The following ERN1 variants were observed in gnomAD, a reference collection of about 807,000 sequenced individuals.
ERN1 encodes serine/threonine-protein kinase/endoribonuclease IRE1.
ERN1 carries 39 observed loss-of-function variants against 113.1 expected under a neutral mutation model. The ratio of observed to expected loss-of-function variants is 0.34; its 90% CI spans 0.27 to 0.45. ERN1 has a LOEUF of 0.45. Ranked by LOEUF, ERN1 falls within the 20% of genes least tolerant of loss-of-function variation. The pLI is 1.00. For missense variants in ERN1, 976 were observed against 1,274.8 expected, an observed-to-expected ratio of 0.77 and a Z score of 3.57; for synonymous variants, 507 against 515.9, an observed-to-expected ratio of 0.98 and a Z score of 0.23.
chr17:64,080,940 C>T (rs196952), intron 2 of ERN1, 132 bp from the exon 3 acceptor site: 535,813 of 769,684 alleles, frequency 0.7, 195,916 homozygotes, highest in Non-Finnish European at 0.76. Context: ...TGGGCTAGTG[C>T]ACGTGAAGGT....
At chr17:64,102,001 C>T (rs199949885) in intron 1 of ERN1, among the ~76,000 whole-genome samples, 1 of 152,162 alleles carries the variant, frequency 6.6e-6, no homozygotes, top group East Asian at 1.9e-4. Flanking sequence ...TAATCATGGC[C>T]GGGACCGGTG....
chr17:64,051,765 A>G (rs1178603335), intron 17 of ERN1, among the ~76,000 whole-genome samples: 3 of 152,138 alleles, frequency 2.0e-5, no homozygotes, highest in African/African-American at 7.3e-5. Context: ...AGTAGGTATC[A>G]AAACCCAGTA....
chr17:64,097,968 A>G, intron 2 of ERN1, 153 bp downstream of exon 2: 3 of 955,972 alleles, frequency 3.1e-6, no homozygotes, highest in Non-Finnish European at 3.1e-6. Context: ...ACGTCCTTTG[A>G]GCAGAATGCC....
At chr17:64,050,059 C>T (rs1315539189) in intron 17 of ERN1, among the ~76,000 whole-genome samples, 1 of 152,186 alleles carries the variant, frequency 6.6e-6, no homozygotes, top group Non-Finnish European at 1.5e-5. Context: ...GCGAGCAGAG[C>T]AAATGCTTTC....
Position 64,106,715 on chromosome 17 carries a change from T to TACACACACACACACAC in ERN1, c.55-8490_55-8475dup, listed in dbSNP as rs58544303. Among the ~76,000 whole-genome samples the TACACACACACACACAC allele has an allele frequency of 1.1e-3, 109 of 103,428 alleles. 4 individuals carry two copies. The highest frequency in any genetic ancestry group is 2.1e-3 in the East Asian group (6 of 2,878). The allele number at this position is 103,428 out of a possible 152,430, so 67.9% of individuals were successfully genotyped here. A position where few individuals can be genotyped will look rare whatever the true frequency, so the allele number is the denominator to read the frequency against. On this transcript the variant is annotated intron_variant, in intron 1 of 21. Coordinates refer to ENST00000433197, the MANE Select transcript of ERN1 (RefSeq NM_001433.5). ...AGGACACCAGTCCTACAGGGTTTCTTACACACACACACACACACACACACA... is the reference window on the plus strand; with the variant it reads ...AGGACACCAGTCCTACAGGGTTTCTTACACACACACACACACACACACACACACACACACACACACA...
chr17:64,103,033 AT>A lies in ERN1; in HGVS notation c.55-4793del, dbSNP rs1261566352. On this transcript the variant is annotated intron_variant, in intron 1 of 21. Coordinates refer to ENST00000433197, the MANE Select transcript of ERN1 (RefSeq NM_001433.5). Reference sequence around the variant, plus strand: ...CCTAAAACTAAACATCCATTAGCTAATTGGTCCCCACAGACATCAGACTCTG... The same window carrying A: ...CCTAAAACTAAACATCCATTAGCTAATGGTCCCCACAGACATCAGACTCTG... 8 of 823,362 alleles carry A rather than the reference AT, an allele frequency of 9.7e-6. No homozygotes were observed. The African/African-American group carries it at 1.3e-4, about 13-fold the overall frequency. 51.0% of individuals were successfully genotyped at this position (823,362 alleles called of 1,614,324 possible). A position where few individuals can be genotyped will look rare whatever the true frequency, so the allele number is the denominator to read the frequency against.
chr17:64,049,277 C>G lies in ERN1; in HGVS notation c.2254-75G>C, dbSNP rs1912609971. ...TCACTCACAGTCAGGGAGGGAGGAG[C>G]ATTGCTGCTGCTTCTGCCACCTAGA... is the stretch of plus-strand genomic sequence containing the variant. On this transcript the variant is annotated intron_variant, in intron 17 of 21. Transcript: ENST00000433197. The surrounding 1 kb of genome is among the most constrained non-coding windows in gnomAD (Gnocchi z 4.7). 1.4e-6 allele frequency: 2 copies of G among 1,416,502 alleles called. No homozygotes were observed. The highest frequency in any genetic ancestry group is 1.9e-6 in the Non-Finnish European group (2 of 1,052,106). 87.7% of individuals were successfully genotyped at this position (1,416,502 alleles called of 1,614,324 possible).
At chr17:64,100,788 T>C (rs748364171) in intron 1 of ERN1, among the ~76,000 whole-genome samples, 4 of 151,838 alleles carry the variant, frequency 2.6e-5, no homozygotes, top group Admixed American at 1.3e-4. Context: ...TCTCAATAAA[T>C]AAATAAATAA....
chr17:64,060,624 TC>T (rs764143726), intron 10 of ERN1, 37 bp from the exon 11 acceptor site: 1 of 1,494,726 alleles, frequency 6.7e-7, no homozygotes, highest in Non-Finnish European at 9.3e-7. Flanking sequence ...GAGAACAATT[TC>T]CCGAGCTGTG....
intron 17 of ERN1, among the ~76,000 whole-genome samples, chr17:64,051,780 G>T (rs1367403918): frequency 3.3e-5 from 5 of 152,216 alleles, no homozygotes; most frequent in African/African-American, 9.7e-5. Context: ...CCAGTAGGTA[G>T]CAAAATACCA....
At position 64,079,709 on chromosome 17, in the gene ERN1, C is replaced by A; in HGVS notation, c.235G>T (p.Asp79Tyr). 1 of 1,613,848 alleles carries A rather than the reference C, an allele frequency of 6.2e-7. No individual in the cohort carries two copies. Among genetic ancestry groups the A allele is most frequent in the Non-Finnish European group, 8.5e-7 (1 of 1,179,762 alleles). ...CTTCCAAGCGTATACAGGCTGCCAT[C>A]ATTAGGATCTGGGAGAAAGGCAGGC... is the stretch of plus-strand genomic sequence containing the variant. ...EEPAFLPDPNDGSLYTLGSKN... is the reference protein window; with the variant it reads ...EEPAFLPDPNYGSLYTLGSKN... Residue 79 changes from aspartate (D) to tyrosine (Y), a missense_variant, in exon 4 of 22, where the codon GAT (aspartate) becomes TAT (tyrosine). By Grantham distance (160) the Asp-to-Tyr change is radical. This residue lies in a region of ERN1 where 459 missense variants were observed against 581.2 expected (regional missense o/e 0.79). Transcript: ENST00000433197.
At chr17:64,073,704 G>T (rs189442636) in intron 5 of ERN1, among the ~76,000 whole-genome samples, 2 of 152,052 alleles carry the variant, frequency 1.3e-5, no homozygotes, top group Non-Finnish European at 2.9e-5. Flanking sequence ...TGTTAGCCAG[G>T]ATGGTCTCGA....
Position 64,066,826 on chromosome 17 carries a change from A to G in ERN1, c.687T>C (p.Phe229=). 6.2e-7 allele frequency: 1 copy of G among 1,613,934 alleles called. No individual in the cohort carries two copies. Among genetic ancestry groups the G allele is most frequent in the Non-Finnish European group, 8.5e-7 (1 of 1,179,864 alleles). Residue 229 remains phenylalanine, a synonymous_variant, in exon 8 of 22, where the codon TTT becomes TTC. Transcript: ENST00000433197. ...IQNYASPVVA[F]YVWQREGLRK... ...TCAGACCCTCCCGCTGCCAGACATAAAAGGCCACCACAGGGGAGGCGTAGT... is the reference window on the plus strand; with the variant it reads ...TCAGACCCTCCCGCTGCCAGACATAGAAGGCCACCACAGGGGAGGCGTAGT...
At position 64,043,648 on chromosome 17, in the gene ERN1, A is replaced by G; in HGVS notation, c.*340T>C. 1 of 206,706 alleles carries G rather than the reference A, an allele frequency of 4.8e-6. No homozygotes were observed. Among genetic ancestry groups the G allele is most frequent in the Non-Finnish European group, 9.6e-6 (1 of 104,076 alleles). 12.8% of individuals were successfully genotyped at this position (206,706 alleles called of 1,614,324 possible). The stretch of plus-strand genomic sequence containing the variant: ...TCCTCTCCCTTCCTGAAAGGCCTGT[A>G]GACTGACATTAAGCAGGAATTTAAA... On this transcript the variant is annotated 3_prime_UTR_variant, in exon 22 of 22. Transcript: ENST00000433197.
chr17:64,045,500 G>A lies in ERN1; in HGVS notation c.2530-18C>T, dbSNP rs1221831011. On this transcript the variant is annotated intron_variant, in intron 19 of 21. Transcript: ENST00000433197. ...CTCACGTCCTGTGAGAGAAACAAGGGCAGCAGATGATGGTCAGTGCTGGAG... is the reference window on the plus strand; with the variant it reads ...CTCACGTCCTGTGAGAGAAACAAGGACAGCAGATGATGGTCAGTGCTGGAG... 5.0e-6 allele frequency: 8 copies of A among 1,613,636 alleles called. No homozygotes were observed. Among genetic ancestry groups the A allele is most frequent in the East Asian group, 2.2e-5 (1 of 44,882 alleles).
Position 64,066,680 on chromosome 17 carries a change from C to A in ERN1, c.833G>T (p.Ser278Ile), listed in dbSNP as rs569659605. 1 of 1,613,960 alleles carries A rather than the reference C, an allele frequency of 6.2e-7. No homozygotes were observed. ...CGAGCTCCCAACTCACGTCAGCTTG[C>A]TCTTGGCCTCTGTCTCCTTGGGGAA... ...YPFPKETEAK[S>I]KLTPTLYVGK... Residue 278 changes from serine to isoleucine, a missense_variant, in exon 8 of 22, where the codon AGC becomes ATC. By Grantham distance (142) the Ser-to-Ile change is moderately radical. Around this residue, in one of 5 missense-constraint regions of ERN1, gnomAD observed 459 missense variants for 581.2 expected, o/e 0.79. Transcript: ENST00000433197.
intron 5 of ERN1, among the ~76,000 whole-genome samples, chr17:64,074,162 T>C (rs1303344284): frequency 2.6e-5 from 4 of 152,252 alleles, no homozygotes; most frequent in Non-Finnish European, 5.9e-5. Context: ...AGAGTTTACA[T>C]AACTCAGTTA....
In ERN1 at chr17:64,066,916, C is replaced by T. The variant is rs749584293; in HGVS notation, c.597G>A (p.Val199=). Residue 199 remains valine (V), a synonymous_variant, in exon 8 of 22, where the codon GTG becomes GTA. Coordinates refer to ENST00000433197, the MANE Select transcript of ERN1 (RefSeq NM_001433.5). ...TCACCACCAGCCCATCACCATTGGA[C>T]ACAAAGTGGGACATCTCTGTACAGA... ...DDVDYKMSHF[V]SNGDGLVVTV... is the part of the protein sequence containing the mutation. The T allele has an allele frequency of 6.2e-7, 1 of 1,613,812 alleles. No individual in the cohort carries two copies. The highest frequency in any genetic ancestry group is 1.1e-5 in the South Asian group (1 of 91,014).
chr17:64,104,191 A>C (rs1914460269), intron 1 of ERN1, among the ~76,000 whole-genome samples: 1 of 152,200 alleles, frequency 6.6e-6, no homozygotes, highest in Non-Finnish European at 1.5e-5. Flanking sequence ...GCAGTGAGCC[A>C]AGACAGTGCT....
Sources: gnomAD v4.1 joint callset for allele counts (sites outside exome capture counted in the v4.1 genomes callset) on GRCh38, gnomAD v4.1.1 for gene constraint, gnomAD v4.1.1 regional missense constraint, Gnocchi (gnomAD v3.1) non-coding constraint, MANE v1.5 for transcripts, NCBI Gene and HGNC (gene_info 2026-07-23, HGNC 2026-07-21) for gene names.